The following F8 variants were observed in gnomAD, a reference collection of about 807,000 sequenced individuals.
F8 encodes coagulation factor VIII, also known as antihemophilic factor.
F8 carries 12 observed loss-of-function variants against 140.6 expected under a neutral mutation model. The observed-to-expected ratio is 0.09, with a 90% CI of 0.05 to 0.14. F8 has a LOEUF of 0.14. Among genes scored for constraint, F8 ranks in the 10% least tolerant of loss-of-function variants. The pLI, the probability that F8 is intolerant of heterozygous loss-of-function variation, is 1.00. For synonymous variants in F8, 585 were observed against 614.6 expected, an observed-to-expected ratio of 0.95 and a Z score of 0.71; for missense variants, 1,354 against 1,720.7, an observed-to-expected ratio of 0.79 and a Z score of 3.77.
chrX:154,888,380 A>ATTTTTTTTTTTTTT (rs782710109), intron 22 of F8, among the ~76,000 whole-genome samples: 11 of 22,245 alleles, frequency 4.9e-4, no homozygotes, highest in Non-Finnish European at 6.7e-4. Flanking sequence ...TGTAATAGGG[A>ATTTTTTTTTTTTTT]TTTTTTTTTT....
chrX:154,945,363 C>G (rs781985374), intron 13 of F8, among the ~76,000 whole-genome samples: 71 of 111,470 alleles, frequency 6.4e-4, no homozygotes, highest in Admixed American at 1.1e-3. Context: ...CAACGAACTA[C>G]TAGCAAACCA....
chrX:155,001,079 C>G (rs965446757), intron 1 of F8, among the ~76,000 whole-genome samples: 5 of 111,399 alleles, frequency 4.5e-5, no homozygotes, highest in Non-Finnish European at 9.4e-5. Flanking sequence ...CTTTCTCAGT[C>G]TTGTGGTGAA....
chrX:154,859,041 T>C (rs2072669739), intron 25 of F8, among the ~76,000 whole-genome samples: 1 of 112,041 alleles, frequency 8.9e-6, no homozygotes, highest in Non-Finnish European at 1.9e-5. Context: ...AAGGCCTGAA[T>C]AGAACAAAAA....
chrX:154,946,669 A>T (rs1557280309), intron 13 of F8, among the ~76,000 whole-genome samples: 1 of 111,822 alleles, frequency 8.9e-6, no homozygotes. Context: ...TCTGGGAAAG[A>T]TTTTGCAGGT....
At chrX:154,915,448 A>C (rs2073090973) in intron 14 of F8, among the ~76,000 whole-genome samples, 1 of 112,276 alleles carries the variant, frequency 8.9e-6, no homozygotes. Flanking sequence ...TTCTATGAAC[A>C]TGGGATAGAT....
chrX:155,018,115 G>A (rs1227121626), intron 1 of F8, among the ~76,000 whole-genome samples: 2 of 108,733 alleles, frequency 1.8e-5, no homozygotes, highest in African/African-American at 6.7e-5. Context: ...TGATCTGCCT[G>A]CCTCGGCCTC....
chrX:154,844,657 G>A (rs1164427639), intron 25 of F8, among the ~76,000 whole-genome samples: 22 of 111,739 alleles, frequency 2.0e-4, no homozygotes, highest in Non-Finnish European at 3.0e-4. Flanking sequence ...CTGAGACTTT[G>A]CTGAAGTTGC....
chrX:154,891,309 A>C (rs2072942198), intron 22 of F8, among the ~76,000 whole-genome samples: 1 of 113,377 alleles, frequency 8.8e-6, no homozygotes, highest in African/African-American at 3.2e-5. Flanking sequence ...AAATGTGACC[A>C]TGTCAAAGAT....
Position 154,843,244 on chromosome X carries a change from G to A in F8, c.6901-5492C>T, listed in dbSNP as rs113942642. On this transcript the variant is annotated intron_variant, in intron 25 of 25. Transcript: ENST00000360256. ...AGTCTTTGCTATTGTGAATAGTGCC[G>A]CAATAAACATACGTGTGCATGTGTC... is the stretch of plus-strand genomic sequence containing the variant. 3.0e-3 allele frequency among the ~76,000 whole-genome samples: 339 copies of A among 111,425 alleles called. 5 individuals are homozygous for A. The highest frequency in any genetic ancestry group is 0.027 in the Admixed American group (283 of 10,474).
At position 154,837,564 on chromosome X, in the gene F8, T is replaced by C. The variant is rs1477547638; in HGVS notation, c.*33A>G. On this transcript the variant is annotated 3_prime_UTR_variant, in exon 26 of 26. Transcript: ENST00000360256. ...TGCCCTGGAGCTGAGGAGGGAGAGGTGACGGCAGTGGCAGGTGCTGCAGTG... is the reference window on the plus strand; with the variant it reads ...TGCCCTGGAGCTGAGGAGGGAGAGGCGACGGCAGTGGCAGGTGCTGCAGTG... The C allele has an allele frequency of 3.4e-6, 4 of 1,182,325 alleles. No individual in the cohort carries two copies. The African/African-American group carries it at 7.1e-5, about 21-fold the overall frequency.
At chrX:155,017,961 T>A (rs1382079115) in intron 1 of F8, among the ~76,000 whole-genome samples, 1 of 111,028 alleles carries the variant, frequency 9.0e-6, no homozygotes, top group African/African-American at 3.3e-5. Flanking sequence ...GCCTCCTAGG[T>A]TCAAGCAATT....
Position 154,947,767 on chromosome X carries a change from C to T in F8, c.2044G>A (p.Val682Ile). ...AATAGGGTGAGTGTGTCTTCATAGA[C>T]CATTTTGTGTTTGAAGGTATATCCA... is the stretch of plus-strand genomic sequence containing the variant. ...FSGYTFKHKM[V>I]YEDTLTLFPF... The change falls in exon 13 of 26, where the codon GTC (valine) becomes ATC (isoleucine). Residue 682 changes from valine (V) to isoleucine (I), a missense_variant. Physicochemically the swap from Val to Ile is conservative, Grantham distance 29. Coordinates refer to ENST00000360256, the MANE Select transcript of F8 (RefSeq NM_000132.4). 8.3e-7 allele frequency: 1 copy of T among 1,210,609 alleles called. No homozygotes were observed. The highest frequency in any genetic ancestry group is 1.1e-6 in the Non-Finnish European group (1 of 894,626).
At chrX:154,969,589 T>C (rs1603435419) in intron 6 of F8, 37 bp from the exon 7 acceptor site, 2 of 1,119,315 alleles carry the variant, frequency 1.8e-6, no homozygotes, top group Admixed American at 2.2e-5. Context: ...GGCTATGAAG[T>C]AGAGAATCTG....
rs137852443 is a variant in F8 at position 154,904,999 on chromosome X, G to A, written c.5398C>T (p.Arg1800Cys). The A allele has an allele frequency of 8.3e-7, 1 of 1,203,777 alleles. No individual in the cohort carries two copies. The highest frequency in any genetic ancestry group is 1.1e-6 in the Non-Finnish European group (1 of 889,701). Residue 1800 changes from arginine to cysteine, a missense_variant, in exon 16 of 26, where the codon CGT becomes TGT. By Grantham distance (180) the Arg-to-Cys change is radical. Around this residue, in one of 4 missense-constraint regions of F8, gnomAD observed 316 missense variants for 485.4 expected, o/e 0.65. Transcript: ENST00000360256. ...IMVTFRNQAS[R>C]PYSFYSSLIS... ...AGGCTAGAATAGAAGGAATAGGGAC[G>A]AGAGGCCTGATTTCTGAAAGTTACC... is the stretch of plus-strand genomic sequence containing the variant.
At chrX:154,996,178 A>G (rs1347922771) in intron 3 of F8, among the ~76,000 whole-genome samples, 1 of 111,979 alleles carries the variant, frequency 8.9e-6, no homozygotes, top group East Asian at 2.8e-4. Flanking sequence ...GATATAGCCA[A>G]GCCGAGACCC....
At chrX:154,957,276 G>C in intron 10 of F8, 105 bp from the exon 11 acceptor site, 3 of 646,548 alleles carry the variant, frequency 4.6e-6, no homozygotes, top group Non-Finnish European at 7.5e-6. Flanking sequence ...ATGTACATAT[G>C]AAGTTTCTGA....
At chrX:154,875,105 G>A (rs1270917278) in intron 22 of F8, among the ~76,000 whole-genome samples, 3 of 111,868 alleles carry the variant, frequency 2.7e-5, no homozygotes, top group African/African-American at 6.5e-5. Context: ...TATGCTAAGT[G>A]TAATAAGCCA....
At chrX:154,841,009 A>C (rs1321497712) in intron 25 of F8, among the ~76,000 whole-genome samples, 1 of 110,538 alleles carries the variant, frequency 9.0e-6, no homozygotes, top group African/African-American at 3.3e-5. Flanking sequence ...TTCTTGTTTC[A>C]GCAATAAGAG....
chrX:154,976,883 G>A (rs1557283042), intron 6 of F8, among the ~76,000 whole-genome samples: 1 of 111,527 alleles, frequency 9.0e-6, no homozygotes, highest in Non-Finnish European at 1.9e-5. Flanking sequence ...TTGTATTCAA[G>A]GTAATTTTTG....
Sources: allele counts gnomAD v4.1 joint callset (sites outside exome capture counted in the v4.1 genomes callset), GRCh38; gene constraint gnomAD v4.1.1; regional missense constraint gnomAD v4.1.1; transcripts MANE v1.5; gene names NCBI Gene and HGNC (gene_info 2026-07-23, HGNC 2026-07-21).